The following EXTL3 variants were observed in gnomAD, a reference collection of about 807,000 sequenced individuals.
EXTL3 encodes the protein exostosin like glycosyltransferase 3, also known as exostosin-like 3.
Under a neutral mutation model 69.3 loss-of-function variants are expected in EXTL3, and 27 were observed. The ratio of observed to expected loss-of-function variants is 0.39; its 90% CI spans 0.29 to 0.54. The LOEUF is 0.54. EXTL3 is among the 20% of genes least tolerant of loss of function. The pLI is 0.69. For missense variants in EXTL3, 1,003 were observed against 1,231.8 expected, an observed-to-expected ratio of 0.81 and a Z score of 2.78; for synonymous variants, 511 against 499.4, an observed-to-expected ratio of 1.02 and a Z score of -0.31.
chr8:28,658,901 C>T (rs180735578), intron 1 of EXTL3, among the ~76,000 whole-genome samples: 104 of 152,266 alleles, frequency 6.8e-4, no homozygotes, highest in Admixed American at 1.2e-3. Flanking sequence ...ACTTTTATAC[C>T]TTCGAAATAT....
chr8:28,711,921 A>G (rs1468253692), intron 1 of EXTL3, among the ~76,000 whole-genome samples: 1 of 152,168 alleles, frequency 6.6e-6, no homozygotes, highest in African/African-American at 2.4e-5. Context: ...TATTTAACAA[A>G]TATTTATAGA....
intron 1 of EXTL3, among the ~76,000 whole-genome samples, chr8:28,642,584 C>T (rs990960278): frequency 2.6e-5 from 4 of 151,906 alleles, no homozygotes; most frequent in African/African-American, 9.7e-5. Context: ...TGCCAGTGTA[C>T]TCCAGTCGGG....
chr8:28,678,338 G>A (rs1192078497), intron 1 of EXTL3: 1 of 152,304 alleles, frequency 6.6e-6, no homozygotes, highest in Admixed American at 6.5e-5. Context: ...CAAATCTCAT[G>A]TTGAAATTCG....
intron 4 of EXTL3, among the ~76,000 whole-genome samples, chr8:28,731,858 G>A (rs1801545464): frequency 6.6e-6 from 1 of 151,986 alleles, no homozygotes; most frequent in African/African-American, 2.4e-5. Flanking sequence ...GAAAAAGAAG[G>A]GGAGGAGGAA....
At chr8:28,749,777 C>T (rs758504886) in intron 6 of EXTL3, among the ~76,000 whole-genome samples, 15 of 152,156 alleles carry the variant, frequency 9.9e-5, no homozygotes, top group Non-Finnish European at 1.8e-4. Context: ...GCCTCAAACT[C>T]GTGGGCTCAA....
chr8:28,673,323 C>T (rs1043051361), intron 1 of EXTL3, among the ~76,000 whole-genome samples: 5 of 152,132 alleles, frequency 3.3e-5, no homozygotes, highest in South Asian at 2.1e-4. Context: ...TGTGTCTTTG[C>T]GGGTGTTTCT....
At chr8:28,630,272 A>G (rs1395324835) in intron 1 of EXTL3, among the ~76,000 whole-genome samples, 2 of 152,102 alleles carry the variant, frequency 1.3e-5, no homozygotes, top group African/African-American at 4.8e-5. Flanking sequence ...GCCATGTAAG[A>G]TGTGCCTTTG....
chr8:28,717,073 G>A lies in EXTL3; in HGVS notation c.1014G>A (p.Lys338=). 6.2e-7 allele frequency: 1 copy of A among 1,614,226 alleles called. No individual in the cohort carries two copies. Among genetic ancestry groups the A allele is most frequent in the Middle Eastern group, 1.6e-4 (1 of 6,062 alleles). The change falls in exon 3 of 7, where the codon AAG becomes AAA. Residue 338 remains lysine, a synonymous_variant. Transcript: ENST00000220562. The surrounding 1 kb of genome is among the most constrained non-coding windows in gnomAD (Gnocchi z 8.3). ...FMEIPPQVPV[K]RKYLFTFQGE... is the part of the protein sequence containing the mutation. ...AAATCCCACCACAGGTGCCGGTGAA[G>A]CGGAAATATCTCTTCACCTTCCAGG...
At chr8:28,645,844 A>G (rs561376950) in intron 1 of EXTL3, among the ~76,000 whole-genome samples, 2 of 145,712 alleles carry the variant, frequency 1.4e-5, no homozygotes, top group African/African-American at 5.1e-5. Context: ...TTTTTTTTTT[A>G]AAGTTATTCT....
At chr8:28,727,298 G>A (rs755536176) in intron 3 of EXTL3, among the ~76,000 whole-genome samples, 20 of 152,144 alleles carry the variant, frequency 1.3e-4, no homozygotes, top group Non-Finnish European at 2.2e-4. Flanking sequence ...GATGGCAGGC[G>A]CCCTGTGTTC....
Position 28,716,143 on chromosome 8 carries a change from C to T in EXTL3, c.84C>T (p.Arg28=). Residue 28 remains arginine, a synonymous_variant, in exon 3 of 7, where the codon CGC becomes CGT. Transcript: ENST00000220562. This position sits in a 1 kb window ranked among gnomAD's most constrained non-coding sequence, Gnocchi z 7.1. ...TCMLRWSNRI[R]LTWLSFTLFV... ...TGCTGCGCTGGTCCAACCGCATCCG[C>T]CTCACGTGGCTCAGCTTCACGCTCT... 6.2e-7 allele frequency: 1 copy of T among 1,614,066 alleles called. No homozygotes were observed. The highest frequency in any genetic ancestry group is 8.5e-7 in the Non-Finnish European group (1 of 1,180,038).
At position 28,716,855 on chromosome 8, in the gene EXTL3, T is replaced by TGGC; in HGVS notation, c.799_801dup (p.Arg267dup). On this transcript the variant is annotated inframe_insertion, in exon 3 of 7. Coordinates refer to ENST00000220562, the MANE Select transcript of EXTL3 (RefSeq NM_001440.4). The surrounding 1 kb of genome is among the most constrained non-coding windows in gnomAD (Gnocchi z 7.1). Reference sequence around the variant, plus strand: ...GAAGCAGTTGTATTCCCTGCCACACTGGCGGACGGATGGACACAACCATGT... The same window carrying TGGC: ...GAAGCAGTTGTATTCCCTGCCACACTGGCGGCGGACGGATGGACACAACCATGT... The TGGC allele has an allele frequency of 6.2e-7, 1 of 1,614,202 alleles. No individual in the cohort carries two copies. The highest frequency in any genetic ancestry group is 8.5e-7 in the Non-Finnish European group (1 of 1,180,032).
intron 1 of EXTL3, among the ~76,000 whole-genome samples, chr8:28,705,117 T>C (rs749725014): frequency 6.6e-6 from 1 of 152,218 alleles, no homozygotes; most frequent in Non-Finnish European, 1.5e-5. Context: ...AAGGAGGTCT[T>C]GGGAATGGCC....
chr8:28,704,630 C>G (rs2130708638), intron 1 of EXTL3, among the ~76,000 whole-genome samples: 1 of 152,134 alleles, frequency 6.6e-6, no homozygotes, highest in Middle Eastern at 3.4e-3. Flanking sequence ...GCAATTTTGA[C>G]CTACTCTTTC....
chr8:28,703,797 G>A (rs1234748287), intron 1 of EXTL3, among the ~76,000 whole-genome samples: 1 of 152,110 alleles, frequency 6.6e-6, no homozygotes, highest in Admixed American at 6.6e-5. Flanking sequence ...TCCATTCGCT[G>A]GTTATTAAGT....
intron 3 of EXTL3, among the ~76,000 whole-genome samples, chr8:28,724,733 G>C (rs1801374338): frequency 6.6e-6 from 1 of 152,206 alleles, no homozygotes; most frequent in African/African-American, 2.4e-5. Context: ...CCAGGAGGCA[G>C]AGGTTGCAGT....
At chr8:28,682,826 T>C (rs1185051196) in intron 1 of EXTL3, among the ~76,000 whole-genome samples, 1 of 152,214 alleles carries the variant, frequency 6.6e-6, no homozygotes, top group Admixed American at 6.5e-5. Flanking sequence ...ATCCAAAAAA[T>C]CATTGCCCAA....
intron 1 of EXTL3, among the ~76,000 whole-genome samples, chr8:28,653,011 AATT>A (rs1364890515): frequency 6.6e-6 from 1 of 152,210 alleles, no homozygotes; most frequent in Non-Finnish European, 1.5e-5. Context: ...TGATTAACCA[AATT>A]GACATATCAT....
chr8:28,748,875 G>A (rs996180356), intron 6 of EXTL3, among the ~76,000 whole-genome samples: 2 of 152,176 alleles, frequency 1.3e-5, no homozygotes, highest in African/African-American at 4.8e-5. Context: ...TTGAGAGGCT[G>A]AGGCAGGAGG....
Sources: allele counts gnomAD v4.1 joint callset (sites outside exome capture counted in the v4.1 genomes callset), GRCh38; gene constraint gnomAD v4.1.1; non-coding constraint Gnocchi (gnomAD v3.1); transcripts MANE v1.5; gene names NCBI Gene and HGNC (gene_info 2026-07-23, HGNC 2026-07-21).